The following SLC44A5 variants were observed in gnomAD, a reference collection of about 807,000 sequenced individuals.
SLC44A5 encodes solute carrier family 44 member 5, also known as choline transporter-like protein 5.
A neutral mutation model predicts 101.8 loss-of-function variants in SLC44A5; 57 were observed. The observed-to-expected ratio is 0.56, with a 90% CI of 0.45 to 0.70. The LOEUF (loss-of-function observed/expected upper bound fraction) is 0.70, where lower values mean the gene tolerates loss of function less well. Ranked by LOEUF, SLC44A5 falls within the 30% of genes least tolerant of loss-of-function variation. SLC44A5 has a pLI of 0.00. For missense variants in SLC44A5, 737 were observed against 853.1 expected (o/e 0.86, Z 1.70); for synonymous variants, 281 against 290.9 (o/e 0.97, Z 0.35).
At chr1:75,277,580 A>G (rs1485982519) in intron 5 of SLC44A5, among the ~76,000 whole-genome samples, 1 of 152,158 alleles carries the variant, frequency 6.6e-6, no homozygotes, top group Non-Finnish European at 1.5e-5. Context: ...CAAGGACATC[A>G]GCTAAATAAA....
At chr1:75,302,004 C>T (rs1211876825) in intron 4 of SLC44A5, among the ~76,000 whole-genome samples, 1 of 149,914 alleles carries the variant, frequency 6.7e-6, no homozygotes, top group Non-Finnish European at 1.5e-5. Flanking sequence ...CAGCAACAAA[C>T]TGTCATTTGT....
intron 2 of SLC44A5, chr1:75,521,986 C>T (rs1026788559): frequency 6.6e-6 from 1 of 152,242 alleles, no homozygotes; most frequent in Non-Finnish European, 1.5e-5. Flanking sequence ...GAAGAAATCC[C>T]AAAACAGGAA....
At chr1:75,277,404 T>C (rs979413524) in intron 5 of SLC44A5, among the ~76,000 whole-genome samples, 1 of 152,194 alleles carries the variant, frequency 6.6e-6, no homozygotes, top group African/African-American at 2.4e-5. Flanking sequence ...GCTCAGAGTT[T>C]AATTTATCAC....
intron 2 of SLC44A5, among the ~76,000 whole-genome samples, chr1:75,444,509 A>AG (rs1665428234): frequency 1.3e-5 from 2 of 149,274 alleles, no homozygotes; most frequent in South Asian, 2.1e-4. Context: ...AAAGAAAGAA[A>AG]AAGAAAAGAA....
intron 2 of SLC44A5, among the ~76,000 whole-genome samples, chr1:75,504,668 G>A (rs182140730): frequency 2.6e-5 from 4 of 152,028 alleles, no homozygotes; most frequent in African/African-American, 9.6e-5. Context: ...TGTCAATACT[G>A]GAAACTAATT....
At chr1:75,541,566 A>G in intron 1 of SLC44A5, 50 bp from the exon 2 acceptor site, 1 of 1,282,972 alleles carries the variant, frequency 7.8e-7, no homozygotes, top group Non-Finnish European at 1.1e-6. Flanking sequence ...AATTATTTTT[A>G]CTCATTAACA....
chr1:75,524,523 C>A (rs756242875), intron 2 of SLC44A5, among the ~76,000 whole-genome samples: 5 of 151,994 alleles, frequency 3.3e-5, no homozygotes, highest in African/African-American at 7.3e-5. Context: ...GGAAAGGTAA[C>A]CATACAATTT....
chr1:75,672,739 T>C, the SLC44A5 span, among the ~76,000 whole-genome samples: 1 of 152,084 alleles, frequency 6.6e-6, no homozygotes, highest in African/African-American at 2.4e-5. Context: ...AAGAGAACTT[T>C]GTCTTGTAAC....
chr1:75,496,028 A>T (rs1266308030), intron 2 of SLC44A5, among the ~76,000 whole-genome samples: 1 of 152,112 alleles, frequency 6.6e-6, no homozygotes, highest in Non-Finnish European at 1.5e-5. Flanking sequence ...TGTGTGATCA[A>T]ATACTAGATC....
chr1:75,295,116 T>C (rs1653862844), intron 5 of SLC44A5, among the ~76,000 whole-genome samples: 1 of 152,206 alleles, frequency 6.6e-6, no homozygotes, highest in Admixed American at 6.5e-5. Flanking sequence ...ACACAAGATA[T>C]ACATATACTA....
intron 12 of SLC44A5, among the ~76,000 whole-genome samples, chr1:75,231,799 G>A (rs989367474): frequency 1.2e-4 from 18 of 152,080 alleles, no homozygotes; most frequent in African/African-American, 4.1e-4. Flanking sequence ...ACCTTAAATA[G>A]ATGCTCATAA....
At chr1:75,366,316 C>T (rs1249847) in intron 3 of SLC44A5, among the ~76,000 whole-genome samples, 94,487 of 151,902 alleles carry the variant, frequency 0.62, 30,918 homozygotes, top group East Asian at 0.96. Flanking sequence ...TTTTTGGAGC[C>T]TTTTTTTCAG....
chr1:75,397,215 T>G (rs1421343903), intron 2 of SLC44A5, among the ~76,000 whole-genome samples: 8 of 152,128 alleles, frequency 5.3e-5, no homozygotes, highest in African/African-American at 1.2e-4. Context: ...ATGGTAATTT[T>G]GGGGAATGGG....
At chr1:75,703,661 T>TA in the SLC44A5 span, among the ~76,000 whole-genome samples, 1,111 of 146,464 alleles carry the variant, frequency 7.6e-3, 4 homozygotes, top group African/African-American at 0.023. Flanking sequence ...TAAAGTATAA[T>TA]AAAAAAAAAA....
At chr1:75,235,798 G>A (rs1049776208) in intron 11 of SLC44A5, among the ~76,000 whole-genome samples, 1 of 151,900 alleles carries the variant, frequency 6.6e-6, no homozygotes, top group Non-Finnish European at 1.5e-5. Context: ...TACATTCAAG[G>A]ACCCATATAG....
At chr1:75,301,952 G>T (rs532204388) in intron 4 of SLC44A5, among the ~76,000 whole-genome samples, 12 of 152,208 alleles carry the variant, frequency 7.9e-5, no homozygotes, top group African/African-American at 2.6e-4. Flanking sequence ...CCTTGGAATA[G>T]GAAATGGATC....
At chr1:75,379,160 G>A (rs1241403897) in intron 3 of SLC44A5, among the ~76,000 whole-genome samples, 1 of 73,696 alleles carries the variant, frequency 1.4e-5, no homozygotes, top group Non-Finnish European at 2.2e-5. Flanking sequence ...GAAAGAGGGA[G>A]TAAAACAGTA....
intron 2 of SLC44A5, among the ~76,000 whole-genome samples, chr1:75,519,104 T>C (rs1194890506): frequency 6.6e-6 from 1 of 152,108 alleles, no homozygotes; most frequent in Non-Finnish European, 1.5e-5. Context: ...AAACAGGGCT[T>C]TGGTGTTATA....
chr1:75,273,994 T>C (rs941043506), intron 6 of SLC44A5, among the ~76,000 whole-genome samples: 1 of 152,124 alleles, frequency 6.6e-6, no homozygotes, highest in Admixed American at 6.6e-5. Context: ...TGTGAATTCA[T>C]CTGATTTTGG....
Sources: gnomAD v4.1 joint callset for allele counts (sites outside exome capture counted in the v4.1 genomes callset) on GRCh38, gnomAD v4.1.1 for gene constraint, MANE v1.5 for transcripts, NCBI Gene and HGNC (gene_info 2026-07-23, HGNC 2026-07-21) for gene names.